PRKN: variants seen among roughly 807,000 people sequenced by gnomAD.
The protein encoded by PRKN is E3 ubiquitin-protein ligase parkin.
Under a neutral mutation model 59.5 loss-of-function variants are expected in PRKN, and 56 were observed. The observed-to-expected ratio is 0.94, with a 90% confidence interval of 0.76 to 1.18. The LOEUF (loss-of-function observed/expected upper bound fraction) is 1.18. Among genes scored for constraint, PRKN ranks in the 50% most tolerant of loss-of-function variants. PRKN has a pLI of 0.00. For missense variants in PRKN, 657 were observed against 596.4 expected, an observed-to-expected ratio of 1.10 and a Z score of -1.06; for synonymous variants, 250 against 222.1, an observed-to-expected ratio of 1.13 and a Z score of -1.12.
rs181538981 is a variant in PRKN at position 161,767,240 on chromosome 6, A to G, written c.871+18532T>C. On this transcript the variant is annotated intron_variant, in intron 7 of 11. Coordinates refer to ENST00000366898, the MANE Select transcript of PRKN (RefSeq NM_004562.3). ...TTACAACAATCAGCATGGGCCGGGC[A>G]CGGTGGCTCATGCCTGTAATCCCAG... 9.3e-3 allele frequency among the ~76,000 whole-genome samples: 1,417 copies of G among 152,314 alleles called. 17 individuals carry two copies. The highest frequency in any genetic ancestry group is 0.032 in the African/African-American group (1,339 of 41,574).
chr6:162,267,584 A>G (rs1264725165), intron 2 of PRKN, among the ~76,000 whole-genome samples: 1 of 152,202 alleles, frequency 6.6e-6, no homozygotes, highest in Admixed American at 6.6e-5. Context: ...CCCTTAATAC[A>G]ATTCTTTCTT....
chr6:161,794,304 G>C (rs1419211570), intron 6 of PRKN, among the ~76,000 whole-genome samples: 2 of 152,114 alleles, frequency 1.3e-5, no homozygotes, highest in African/African-American at 2.4e-5. Context: ...AAATAATTGA[G>C]TCAAGATTTA....
chr6:161,369,900 T>C lies in PRKN; in HGVS notation c.1168-9695A>G. The C allele has an allele frequency of 2.7e-6, 1 of 363,656 alleles. No homozygotes were observed. The highest frequency in any genetic ancestry group is 6.1e-6 in the Non-Finnish European group (1 of 163,032). The allele number at this position is 363,656 out of a possible 1,614,324, so 22.5% of individuals were successfully genotyped here. ...AGGTAAAGGCATGATCGTCCATCTG[T>C]GGCTCAAGAGGAATAACCTCACAAG... On this transcript the variant is annotated intron_variant, in intron 10 of 11. Coordinates refer to ENST00000366898, the MANE Select transcript of PRKN (RefSeq NM_004562.3). The surrounding 1 kb of genome is among the most constrained non-coding windows in gnomAD (Gnocchi z 5.8).
intron 7 of PRKN, among the ~76,000 whole-genome samples, chr6:161,631,818 G>C (rs912711788): frequency 6.0e-5 from 9 of 151,124 alleles, no homozygotes; most frequent in Middle Eastern, 3.4e-3. Flanking sequence ...ATTCCTCAGG[G>C]CTTTTTATTC....
At chr6:162,589,638 T>C (rs1290611091) in intron 1 of PRKN, among the ~76,000 whole-genome samples, 1 of 152,222 alleles carries the variant, frequency 6.6e-6, no homozygotes, top group Non-Finnish European at 1.5e-5. Context: ...CGAATAATAA[T>C]GAATGTGGCT....
rs191765786 is a variant in PRKN, at chr6:161,427,786, C to T, written c.1084-40909G>A. ...ATGTATCAAGTGTCATGGAAGAGTACGCAATCAGGCTTTTGATGAATCCCA... is the reference window on the plus strand; with the variant it reads ...ATGTATCAAGTGTCATGGAAGAGTATGCAATCAGGCTTTTGATGAATCCCA... On this transcript the variant is annotated intron_variant, in intron 9 of 11. Coordinates refer to ENST00000366898, the MANE Select transcript of PRKN (RefSeq NM_004562.3). Among the ~76,000 whole-genome samples, 186 of 152,202 alleles carry T rather than the reference C, an allele frequency of 1.2e-3. 2 individuals are homozygous for T. Among genetic ancestry groups the T allele is most frequent in the African/African-American group, 4.2e-3 (175 of 41,496 alleles).
chr6:162,494,132 T>C (rs962385681), intron 1 of PRKN, among the ~76,000 whole-genome samples: 3 of 152,156 alleles, frequency 2.0e-5, no homozygotes, highest in Non-Finnish European at 4.4e-5. Context: ...TCTCCATGTC[T>C]CCCATTGTGG....
At chr6:162,202,860 C>T (rs1014901301) in intron 3 of PRKN, among the ~76,000 whole-genome samples, 5 of 151,992 alleles carry the variant, frequency 3.3e-5, no homozygotes, top group Non-Finnish European at 7.4e-5. Context: ...CTAAGAAGTG[C>T]ATAGAAGAAG....
At chr6:162,241,838 C>T (rs1268042292) in intron 3 of PRKN, among the ~76,000 whole-genome samples, 1 of 151,894 alleles carries the variant, frequency 6.6e-6, no homozygotes. Context: ...CACAGATATG[C>T]CAGGTTTTCT....
intron 1 of PRKN, among the ~76,000 whole-genome samples, chr6:162,474,074 A>C (rs1206061892): frequency 6.6e-6 from 1 of 152,176 alleles, no homozygotes; most frequent in Non-Finnish European, 1.5e-5. Flanking sequence ...TTTTACTAGT[A>C]ACAGAAACGC....
chr6:161,437,299 T>C (rs974437086), intron 9 of PRKN, among the ~76,000 whole-genome samples: 5 of 152,166 alleles, frequency 3.3e-5, no homozygotes, highest in African/African-American at 1.2e-4. Context: ...AAGTGACTTC[T>C]GGGCGCGTGG....
chr6:162,539,875 CACCT>C (rs1778858609), intron 1 of PRKN, among the ~76,000 whole-genome samples: 2 of 152,222 alleles, frequency 1.3e-5, no homozygotes, highest in South Asian at 4.1e-4. Flanking sequence ...CATAATTTCC[CACCT>C]ACCTAAAGAG....
At chr6:161,768,915 G>A (rs1407822761) in intron 7 of PRKN, among the ~76,000 whole-genome samples, 1 of 152,112 alleles carries the variant, frequency 6.6e-6, no homozygotes, top group Non-Finnish European at 1.5e-5. Context: ...CAGTAATGCC[G>A]CTATTTATAC....
chr6:161,895,679 G>A (rs1306690258), intron 6 of PRKN, among the ~76,000 whole-genome samples: 2 of 147,630 alleles, frequency 1.4e-5, no homozygotes, highest in Admixed American at 6.7e-5. Flanking sequence ...CCCTCCTGCT[G>A]TTATGCCCCC....
intron 7 of PRKN, among the ~76,000 whole-genome samples, chr6:161,655,917 C>A (rs1582955591): frequency 7.3e-6 from 1 of 137,650 alleles, no homozygotes; most frequent in Admixed American, 7.0e-5. Context: ...CACACACACA[C>A]GGTCATATGC....
chr6:161,661,253 T>C lies in PRKN; in HGVS notation c.872-91837A>G, dbSNP rs540128101. Among the ~76,000 whole-genome samples, 3 of 152,284 alleles carry C rather than the reference T, an allele frequency of 2.0e-5. No homozygotes were observed. The South Asian group carries it at 6.2e-4, about 32-fold the overall frequency. Reference sequence around the variant, plus strand: ...ACCCTCACGGAGTCTGACAGGGCCCTCTGAACACAGGGCCCTGCTACTTCT... The same window carrying C: ...ACCCTCACGGAGTCTGACAGGGCCCCCTGAACACAGGGCCCTGCTACTTCT... On this transcript the variant is annotated intron_variant, in intron 7 of 11. Transcript: ENST00000366898.
intron 1 of PRKN, among the ~76,000 whole-genome samples, chr6:162,691,696 A>G (rs182028004): frequency 5.9e-4 from 90 of 152,300 alleles, no homozygotes; most frequent in African/African-American, 2.0e-3. Flanking sequence ...TACTTCTCAT[A>G]CTCATGCACG....
intron 6 of PRKN, among the ~76,000 whole-genome samples, chr6:161,872,672 C>G (rs940381081): frequency 6.6e-6 from 1 of 152,078 alleles, no homozygotes; most frequent in Admixed American, 6.5e-5. Context: ...GCAGCCAGCT[C>G]CATAAAGTGT....
At chr6:161,420,752 T>TC in intron 9 of PRKN, among the ~76,000 whole-genome samples, 2 of 151,892 alleles carry the variant, frequency 1.3e-5, no homozygotes, top group East Asian at 1.9e-4. Context: ...TCCAGTGATT[T>TC]CCCCCCCACA....
Sources: allele counts gnomAD v4.1 joint callset (sites outside exome capture counted in the v4.1 genomes callset), GRCh38; gene constraint gnomAD v4.1.1; non-coding constraint Gnocchi (gnomAD v3.1); transcripts MANE v1.5; gene names NCBI Gene and HGNC (gene_info 2026-07-23, HGNC 2026-07-21).